The following ZMIZ1 variants were observed in gnomAD, a reference collection of about 807,000 sequenced individuals.
The protein encoded by ZMIZ1 is zinc finger MIZ domain-containing protein 1.
ZMIZ1 carries 17 observed loss-of-function variants against 113.9 expected under a neutral mutation model. The observed-to-expected ratio is 0.15, with a 90% CI of 0.10 to 0.22. The LOEUF is 0.22. Among genes scored for constraint, ZMIZ1 ranks in the 10% least tolerant of loss-of-function variants. The pLI, the probability that ZMIZ1 is intolerant of heterozygous loss-of-function variation, is 1.00. For missense variants in ZMIZ1, 1,059 were observed against 1,477.8 expected (o/e 0.72, Z 4.65); for synonymous variants, 607 against 603.1 (o/e 1.01, Z -0.09).
intron 7 of ZMIZ1, among the ~76,000 whole-genome samples, chr10:79,234,879 T>A (rs141427774): frequency 2.6e-5 from 4 of 152,174 alleles, no homozygotes; most frequent in Admixed American, 6.5e-5. Context: ...AGGTATGGCA[T>A]CTACACTAGA....
At chr10:79,137,749 C>T (rs986820613) in intron 2 of ZMIZ1, among the ~76,000 whole-genome samples, 1 of 151,902 alleles carries the variant, frequency 6.6e-6, no homozygotes, top group Non-Finnish European at 1.5e-5. Context: ...CATCTCTCTC[C>T]GAGAGGAGGC....
At chr10:79,086,851 T>C (rs1250005) in intron 1 of ZMIZ1, among the ~76,000 whole-genome samples, 107,485 of 152,016 alleles carry the variant, frequency 0.71, 39,292 homozygotes, top group African/African-American at 0.91. Context: ...CTTTTAAAAC[T>C]AGGGTTTCCT....
intron 8 of ZMIZ1, among the ~76,000 whole-genome samples, chr10:79,285,212 G>A (rs1852988083): frequency 6.6e-6 from 1 of 152,230 alleles, no homozygotes; most frequent in African/African-American, 2.4e-5. Context: ...CAGCTTCTAA[G>A]ATGGGCATCT....
chr10:79,208,068 A>G (rs1388345501), intron 5 of ZMIZ1, among the ~76,000 whole-genome samples: 1 of 102,912 alleles, frequency 9.7e-6, no homozygotes, highest in Non-Finnish European at 2.0e-5. Context: ...GGTGGAGGTG[A>G]GGGTGGGGGT....
At chr10:79,070,899 C>A (rs1264272114) in intron 1 of ZMIZ1, among the ~76,000 whole-genome samples, 1 of 152,042 alleles carries the variant, frequency 6.6e-6, no homozygotes, top group Admixed American at 6.5e-5. Flanking sequence ...TCTCCTCTCC[C>A]CTGACTGCTT....
Position 79,168,055 on chromosome 10 carries a change from G to A in ZMIZ1, c.-50+5922G>A, listed in dbSNP as rs576858167. ...GGTGTTTCTTAGGAGTCAGGCTGGC[G>A]GCAGAACAGCCCCTCCAGAGCCCTC... On this transcript the variant is annotated intron_variant, in intron 4 of 24. Coordinates refer to ENST00000334512, the MANE Select transcript of ZMIZ1 (RefSeq NM_020338.4). Among the ~76,000 whole-genome samples the A allele has an allele frequency of 3.9e-5, 6 of 152,304 alleles. No individual in the cohort carries two copies. In the East Asian group the frequency reaches 5.8e-4, roughly 15 times the overall value.
At chr10:79,152,102 G>T (rs182677857) in intron 3 of ZMIZ1, among the ~76,000 whole-genome samples, 10 of 152,312 alleles carry the variant, frequency 6.6e-5, no homozygotes, top group Admixed American at 3.9e-4. Context: ...CCTTGGGCAG[G>T]TCCCCTTCCT....
Position 79,305,241 on chromosome 10 carries a change from G to T in ZMIZ1, c.2354+10G>T. 5.0e-6 allele frequency: 8 copies of T among 1,613,826 alleles called. No homozygotes were observed. The highest frequency in any genetic ancestry group is 6.8e-6 in the Non-Finnish European group (8 of 1,179,906). ...GGTGTCCTGTGTGCAAGTGAGTGAT[G>T]CCCACCCCGGTGGGGGCTTCCCCCA... On this transcript the variant is annotated intron_variant, in intron 20 of 24. Coordinates refer to ENST00000334512, the MANE Select transcript of ZMIZ1 (RefSeq NM_020338.4).
intron 4 of ZMIZ1, among the ~76,000 whole-genome samples, chr10:79,165,473 G>C (rs1039889664): frequency 6.6e-6 from 1 of 152,152 alleles, no homozygotes; most frequent in African/African-American, 2.4e-5. Flanking sequence ...GTGTAAGTGT[G>C]TGCGTAGTAG....
chr10:79,218,375 T>C (rs1409620215), intron 7 of ZMIZ1, among the ~76,000 whole-genome samples: 1 of 151,916 alleles, frequency 6.6e-6, no homozygotes, highest in Non-Finnish European at 1.5e-5. Flanking sequence ...CTTGGGAGGC[T>C]GGGGTGGGAG....
Position 79,303,140 on chromosome 10 carries a change from G to A in ZMIZ1, c.2126-875G>A, listed in dbSNP as rs550745182. Among the ~76,000 whole-genome samples the A allele has an allele frequency of 4.0e-5, 6 of 151,614 alleles. No individual in the cohort carries two copies. The South Asian group carries it at 8.4e-4, about 21-fold the overall frequency. ...CTCCCAAAGTGCTGGGATTACAGGCGCGAGCCACCACACCTGGCCAGCTTA... is the reference window on the plus strand; with the variant it reads ...CTCCCAAAGTGCTGGGATTACAGGCACGAGCCACCACACCTGGCCAGCTTA... On this transcript the variant is annotated intron_variant, in intron 18 of 24. Coordinates refer to ENST00000334512, the MANE Select transcript of ZMIZ1 (RefSeq NM_020338.4).
intron 4 of ZMIZ1, among the ~76,000 whole-genome samples, chr10:79,191,329 T>C (rs1038962410): frequency 6.6e-6 from 1 of 152,002 alleles, no homozygotes; most frequent in Non-Finnish European, 1.5e-5. Context: ...TGTAGGAACA[T>C]CTGCTAGGTA....
At chr10:79,203,647 TCAC>T (rs892659177) in intron 5 of ZMIZ1, among the ~76,000 whole-genome samples, 4 of 152,182 alleles carry the variant, frequency 2.6e-5, no homozygotes, top group Non-Finnish European at 4.4e-5. Context: ...TAGCTCCGTA[TCAC>T]CAGGGGTCAG....
chr10:79,144,675 A>G (rs374375008), intron 3 of ZMIZ1, among the ~76,000 whole-genome samples: 1 of 152,246 alleles, frequency 6.6e-6, no homozygotes, highest in Non-Finnish European at 1.5e-5. Flanking sequence ...TTGTTTAAAT[A>G]TAGATTACTA....
chr10:79,199,340 T>C (rs1473424803), intron 4 of ZMIZ1, among the ~76,000 whole-genome samples: 2 of 152,020 alleles, frequency 1.3e-5, no homozygotes, highest in African/African-American at 4.8e-5. Context: ...ACCCCGTCTC[T>C]GCTAAAAATA....
At chr10:79,305,140 C>T (rs753881929) in intron 19 of ZMIZ1, 24 bp from the exon 20 acceptor site, 1 of 1,613,746 alleles carries the variant, frequency 6.2e-7, no homozygotes, top group South Asian at 1.1e-5. Context: ...CTGGTCTCAC[C>T]TGTGTCTGTC....
Position 79,277,408 on chromosome 10 carries a change from G to A in ZMIZ1, c.425+83G>A, listed in dbSNP as rs1395194444. 2.7e-6 allele frequency: 4 copies of A among 1,461,568 alleles called. No individual in the cohort carries two copies. In the Admixed American group the frequency reaches 8.4e-5, roughly 31 times the overall value. 90.5% of individuals were successfully genotyped at this position (1,461,568 alleles called of 1,614,324 possible). A position where few individuals can be genotyped will look rare whatever the true frequency, so the allele number is the denominator to read the frequency against. ...TCTCCTTGGACATGTCCCTGGGGTG[G>A]GGGCCTCTGTGCAACCATGAGGATG... On this transcript the variant is annotated intron_variant, in intron 8 of 24. Coordinates refer to ENST00000334512, the MANE Select transcript of ZMIZ1 (RefSeq NM_020338.4).
intron 7 of ZMIZ1, 36 bp downstream of exon 7, chr10:79,216,310 G>A: frequency 6.5e-7 from 1 of 1,546,164 alleles, no homozygotes; most frequent in Non-Finnish European, 8.8e-7. Context: ...ATGTCACTGG[G>A]AGGTGGGGAG....
At chr10:79,247,993 C>G (rs553040160) in intron 7 of ZMIZ1, among the ~76,000 whole-genome samples, 2 of 152,308 alleles carry the variant, frequency 1.3e-5, no homozygotes, top group Non-Finnish European at 1.5e-5. Flanking sequence ...AAAAGGTAGA[C>G]TCCACTCCAG....
Sources: allele counts gnomAD v4.1 joint callset (sites outside exome capture counted in the v4.1 genomes callset), GRCh38; gene constraint gnomAD v4.1.1; transcripts MANE v1.5; gene names NCBI Gene and HGNC (gene_info 2026-07-23, HGNC 2026-07-21).